LRP1B: variants seen among roughly 807,000 people sequenced by gnomAD.
LRP1B encodes the protein LDL receptor related protein 1B.
In LRP1B, 217 loss-of-function variants were observed where a neutral mutation model predicts 556.6. That is an observed-to-expected ratio of 0.39 (90% CI 0.35 to 0.44). LRP1B has a LOEUF of 0.44. Among genes scored for constraint, LRP1B ranks in the 20% least tolerant of loss-of-function variants. The pLI, the probability that LRP1B is intolerant of heterozygous loss-of-function variation, is 1.00. For missense variants in LRP1B, 5,053 were observed against 5,620.8 expected (o/e 0.90, Z 3.23); for synonymous variants, 2,047 against 1,865.8 (o/e 1.10, Z -2.50).
intron 15 of LRP1B, among the ~76,000 whole-genome samples, chr2:140,996,293 A>G (rs965321263): frequency 1.3e-5 from 2 of 152,042 alleles, no homozygotes; most frequent in Non-Finnish European, 2.9e-5. Context: ...AAACCACATT[A>G]TCAATGCAGA....
intron 1 of LRP1B, among the ~76,000 whole-genome samples, chr2:142,116,996 C>T (rs1043330637): frequency 6.6e-6 from 1 of 152,020 alleles, no homozygotes; most frequent in African/African-American, 2.4e-5. Flanking sequence ...TTTTCTTCTG[C>T]TCCCTTTTTT....
intron 2 of LRP1B, among the ~76,000 whole-genome samples, chr2:141,779,466 C>T (rs1160526604): frequency 7.0e-6 from 1 of 143,506 alleles, no homozygotes; most frequent in African/African-American, 2.6e-5. Flanking sequence ...TCTGTCCAGG[C>T]TGGCATGAAG....
At chr2:140,698,180 C>G (rs1200051586) in intron 41 of LRP1B, among the ~76,000 whole-genome samples, 1 of 151,776 alleles carries the variant, frequency 6.6e-6, no homozygotes, top group East Asian at 1.9e-4. Flanking sequence ...CCAAATGACT[C>G]CTTGTCTACT....
chr2:141,177,367 C>A (rs1518802), intron 7 of LRP1B, among the ~76,000 whole-genome samples: 68,167 of 151,890 alleles, frequency 0.45, 17,525 homozygotes, highest in Middle Eastern at 0.61. Flanking sequence ...AAGTACAATA[C>A]CGCTTTAATA....
chr2:140,856,904 C>G (rs965197797), intron 27 of LRP1B, among the ~76,000 whole-genome samples: 2 of 152,114 alleles, frequency 1.3e-5, no homozygotes, highest in Admixed American at 1.3e-4. Context: ...ATCTAAAAAT[C>G]TAGAAAGTTA....
At chr2:141,064,022 C>A (rs948753975) in intron 7 of LRP1B, among the ~76,000 whole-genome samples, 3 of 151,742 alleles carry the variant, frequency 2.0e-5, no homozygotes, top group Non-Finnish European at 2.9e-5. Flanking sequence ...CTAAAGTCAT[C>A]CTCAGATGAC....
chr2:140,419,315 A>C (rs1685334686), intron 66 of LRP1B, among the ~76,000 whole-genome samples: 1 of 152,236 alleles, frequency 6.6e-6, no homozygotes, highest in Non-Finnish European at 1.5e-5. Flanking sequence ...AAACTGGTAG[A>C]ACTGAAGAGA....
chr2:141,167,070 AT>A (rs562809865), intron 7 of LRP1B, among the ~76,000 whole-genome samples: 45 of 151,704 alleles, frequency 3.0e-4, no homozygotes, highest in Non-Finnish European at 5.9e-4. Flanking sequence ...TTATTTTTTT[AT>A]TTTCTAACAG....
At chr2:141,069,302 T>C (rs1319412394) in intron 7 of LRP1B, among the ~76,000 whole-genome samples, 1 of 152,128 alleles carries the variant, frequency 6.6e-6, no homozygotes, top group Non-Finnish European at 1.5e-5. Context: ...GTAAGAAACC[T>C]GACACTGTGA....
At chr2:141,313,522 G>A (rs889714464) in intron 3 of LRP1B, among the ~76,000 whole-genome samples, 1 of 152,108 alleles carries the variant, frequency 6.6e-6, no homozygotes, top group Non-Finnish European at 1.5e-5. Context: ...ACTTGTCTGA[G>A]GGAATTTAAG....
chr2:140,444,338 C>T lies in LRP1B; in HGVS notation c.10286G>A (p.Arg3429Lys), dbSNP rs1686560410. The change falls in exon 65 of 91, where the codon AGA becomes AAA. Residue 3429 changes from arginine to lysine, a missense_variant. Physicochemically the swap from Arg to Lys is conservative, Grantham distance 26. Coordinates refer to ENST00000389484, the MANE Select transcript of LRP1B (RefSeq NM_018557.3). ...QDDCGDEEDE[R>K]DCPENSCSPD... is the part of the protein sequence containing the mutation. ...ATTTTGAGGTGACTTACGACAGTCTCTTTCATCTTCCTCATCACCACAGTC... is the reference window on the plus strand; with the variant it reads ...ATTTTGAGGTGACTTACGACAGTCTTTTTCATCTTCCTCATCACCACAGTC... The T allele has an allele frequency of 6.2e-7, 1 of 1,613,912 alleles. No homozygotes were observed.
At chr2:141,824,367 C>T (rs1696853701) in intron 1 of LRP1B, among the ~76,000 whole-genome samples, 1 of 152,106 alleles carries the variant, frequency 6.6e-6, no homozygotes, top group Non-Finnish European at 1.5e-5. Context: ...GTTCTCATAA[C>T]CCTTCATGGA....
chr2:141,107,879 G>T (rs1922707), intron 7 of LRP1B, among the ~76,000 whole-genome samples: 66,675 of 151,660 alleles, frequency 0.44, 15,279 homozygotes, highest in Middle Eastern at 0.54. Context: ...ATTTCTCAAC[G>T]TGTATGTAAC....
chr2:141,299,227 GA>G (rs917437716), intron 3 of LRP1B, among the ~76,000 whole-genome samples: 1 of 152,098 alleles, frequency 6.6e-6, no homozygotes, highest in Non-Finnish European at 1.5e-5. Flanking sequence ...CTTAGGATGT[GA>G]TAAGGCCTTC....
At chr2:142,046,555 A>G (rs1376110845) in intron 1 of LRP1B, among the ~76,000 whole-genome samples, 1 of 152,010 alleles carries the variant, frequency 6.6e-6, no homozygotes, top group Admixed American at 6.6e-5. Flanking sequence ...AAACAGCAGT[A>G]GTAATTTCTG....
intron 7 of LRP1B, among the ~76,000 whole-genome samples, chr2:141,161,160 T>TA (rs1470558619): frequency 6.6e-6 from 1 of 152,102 alleles, no homozygotes; most frequent in African/African-American, 2.4e-5. Context: ...CAAAATTTTT[T>TA]AAAAAGTTTT....
In LRP1B at chr2:141,441,525, T is replaced by C. The variant is rs149029026; in HGVS notation, c.343+38871A>G. Among the ~76,000 whole-genome samples, 966 of 152,362 alleles carry C rather than the reference T, an allele frequency of 6.3e-3. 8 individuals carry two copies. The highest frequency in any genetic ancestry group is 0.022 in the African/African-American group (921 of 41,574). On this transcript the variant is annotated intron_variant, in intron 3 of 90. Transcript: ENST00000389484. ...TCCTAATTTTATTAAAACTATTTTTTTGTTTTATACTTTAAGAGAATAAGA... is the reference window on the plus strand; with the variant it reads ...TCCTAATTTTATTAAAACTATTTTTCTGTTTTATACTTTAAGAGAATAAGA...
intron 3 of LRP1B, among the ~76,000 whole-genome samples, chr2:141,291,688 C>A (rs1685957993): frequency 6.6e-6 from 1 of 151,820 alleles, no homozygotes; most frequent in Non-Finnish European, 1.5e-5. Flanking sequence ...AACCCCGTCT[C>A]TACTGAAAAT....
chr2:140,839,401 G>A (rs1318891726), intron 31 of LRP1B, among the ~76,000 whole-genome samples: 2 of 152,152 alleles, frequency 1.3e-5, no homozygotes, highest in Non-Finnish European at 1.5e-5. Context: ...ATTAACATTT[G>A]AGTCAGTGCA....
Sources: gnomAD v4.1 joint callset for allele counts (sites outside exome capture counted in the v4.1 genomes callset) on GRCh38, gnomAD v4.1.1 for gene constraint, MANE v1.5 for transcripts, NCBI Gene and HGNC (gene_info 2026-07-23, HGNC 2026-07-21) for gene names.